DPYD: variants seen among roughly 807,000 people sequenced by gnomAD.
The protein encoded by DPYD is dihydropyrimidine dehydrogenase [NADP(+)].
In DPYD, 109 loss-of-function variants were observed where a neutral mutation model predicts 116.2. The observed-to-expected ratio is 0.94, with a 90% CI of 0.80 to 1.10. The LOEUF (loss-of-function observed/expected upper bound fraction) is 1.10, where lower values mean the gene tolerates loss of function less well. Among genes scored for constraint, DPYD ranks in the 50% least tolerant of loss-of-function variants. DPYD has a pLI of 0.00. For missense variants in DPYD, 1,302 were observed against 1,254.5 expected (o/e 1.04, Z -0.57); for synonymous variants, 440 against 432.0 (o/e 1.02, Z -0.23).
chr1:97,688,126 G>A (rs142552335), intron 7 of DPYD, among the ~76,000 whole-genome samples: 8 of 151,950 alleles, frequency 5.3e-5, no homozygotes, highest in Admixed American at 5.2e-4. Flanking sequence ...ATCCTGGAAC[G>A]TAAAATAAAA....
chr1:97,609,456 A>G (rs926964934), intron 8 of DPYD, among the ~76,000 whole-genome samples: 1 of 152,034 alleles, frequency 6.6e-6, no homozygotes, highest in Non-Finnish European at 1.5e-5. Context: ...AAGCTCAGTA[A>G]TAATAAATAT....
intron 18 of DPYD, among the ~76,000 whole-genome samples, chr1:97,255,166 G>A (rs1466646951): frequency 6.6e-6 from 1 of 152,176 alleles, no homozygotes; most frequent in Non-Finnish European, 1.5e-5. Flanking sequence ...ACTTATTAGA[G>A]AAGGCTCATG....
intron 14 of DPYD, among the ~76,000 whole-genome samples, chr1:97,431,075 C>T (rs139795916): frequency 2.4e-3 from 358 of 152,056 alleles, no homozygotes; most frequent in Non-Finnish European, 3.9e-3. Flanking sequence ...ATATTTATTG[C>T]GCTCCCCTTA....
chr1:97,341,002 C>A (rs1356933907), intron 16 of DPYD, among the ~76,000 whole-genome samples: 1 of 152,156 alleles, frequency 6.6e-6, no homozygotes, highest in Non-Finnish European at 1.5e-5. Context: ...ACCTACCTCA[C>A]CCCTTTATCA....
At chr1:97,677,449 A>G (rs1041302954) in intron 8 of DPYD, among the ~76,000 whole-genome samples, 2 of 152,180 alleles carry the variant, frequency 1.3e-5, no homozygotes, top group Non-Finnish European at 2.9e-5. Flanking sequence ...ATTTTTGATC[A>G]TGTGTTTATT....
intron 16 of DPYD, among the ~76,000 whole-genome samples, chr1:97,369,680 T>C (rs921049945): frequency 4.9e-4 from 75 of 152,194 alleles, no homozygotes; most frequent in African/African-American, 1.7e-3. Flanking sequence ...TTCTTTGGAA[T>C]GAATGCAACC....
chr1:97,243,995 G>A (rs964080027), intron 18 of DPYD, among the ~76,000 whole-genome samples: 12 of 151,890 alleles, frequency 7.9e-5, no homozygotes, highest in African/African-American at 2.9e-4. Context: ...AAATTTATGA[G>A]GAGCTTAGAA....
chr1:97,632,643 A>G (rs952240960), intron 8 of DPYD, among the ~76,000 whole-genome samples: 1 of 152,094 alleles, frequency 6.6e-6, no homozygotes, highest in African/African-American at 2.4e-5. Flanking sequence ...AATGACCCCA[A>G]TCTTACTTCT....
At chr1:97,640,962 G>C (rs113677689) in intron 8 of DPYD, among the ~76,000 whole-genome samples, 5 of 152,198 alleles carry the variant, frequency 3.3e-5, no homozygotes, top group African/African-American at 1.2e-4. Context: ...TTAATGGGTG[G>C]GCCTTCTAGC....
At chr1:97,242,142 A>G (rs1480342967) in intron 18 of DPYD, among the ~76,000 whole-genome samples, 3 of 124,592 alleles carry the variant, frequency 2.4e-5, no homozygotes, top group Admixed American at 7.9e-5. Context: ...ATATATATAT[A>G]TATATATATA....
chr1:97,524,193 G>A (rs972436306), intron 12 of DPYD, among the ~76,000 whole-genome samples: 2 of 152,120 alleles, frequency 1.3e-5, no homozygotes, highest in Non-Finnish European at 2.9e-5. Context: ...AGTCATTGGG[G>A]TCCCTTAGAT....
chr1:97,365,563 T>C (rs551860577), intron 16 of DPYD, among the ~76,000 whole-genome samples: 1 of 152,292 alleles, frequency 6.6e-6, no homozygotes, highest in African/African-American at 2.4e-5. Context: ...TTTAAAAAAC[T>C]TAAAAAATAC....
chr1:97,356,329 A>T (rs140259974), intron 16 of DPYD, among the ~76,000 whole-genome samples: 6 of 152,330 alleles, frequency 3.9e-5, no homozygotes, highest in African/African-American at 1.2e-4. Context: ...ATTTGATATT[A>T]ACCCCTTATC....
chr1:97,360,131 CA>C (rs201420347), intron 16 of DPYD, among the ~76,000 whole-genome samples: 6 of 148,048 alleles, frequency 4.1e-5, no homozygotes, highest in African/African-American at 9.9e-5. Flanking sequence ...AAATGGAAAG[CA>C]AAAAAAAAGC....
At chr1:97,468,296 G>A (rs111479547) in intron 13 of DPYD, among the ~76,000 whole-genome samples, 3 of 151,846 alleles carry the variant, frequency 2.0e-5, no homozygotes, top group Middle Eastern at 3.2e-3. Context: ...GAATGTTTTT[G>A]TCCCTTCAAA....
intron 10 of DPYD, among the ~76,000 whole-genome samples, chr1:97,591,078 A>G (rs1192900982): frequency 6.6e-6 from 1 of 152,200 alleles, no homozygotes; most frequent in Non-Finnish European, 1.5e-5. Flanking sequence ...GACTTCCACA[A>G]TAAAGGGTGA....
intron 19 of DPYD, among the ~76,000 whole-genome samples, chr1:97,216,341 T>G (rs1660395799): frequency 6.6e-6 from 1 of 152,176 alleles, no homozygotes; most frequent in South Asian, 2.1e-4. Context: ...TGGCCCTCTA[T>G]CCAAAATAGC....
chr1:97,807,535 C>A (rs1668131768), intron 3 of DPYD, among the ~76,000 whole-genome samples: 1 of 151,888 alleles, frequency 6.6e-6, no homozygotes, highest in South Asian at 2.1e-4. Flanking sequence ...ATTTTTATGT[C>A]ATTTATTTAT....
intron 13 of DPYD, among the ~76,000 whole-genome samples, chr1:97,488,762 C>T (rs12074340): frequency 0.084 from 12,715 of 152,234 alleles, 646 homozygotes; most frequent in South Asian, 0.1. Context: ...CAAAGGTTAC[C>T]GCCCCTTTCC....
Sources: gnomAD v4.1 joint callset for allele counts (sites outside exome capture counted in the v4.1 genomes callset) on GRCh38, gnomAD v4.1.1 for gene constraint, MANE v1.5 for transcripts, NCBI Gene and HGNC (gene_info 2026-07-23, HGNC 2026-07-21) for gene names.